Variants in NXPE1 observed in about 807,000 individuals in gnomAD.
The protein encoded by NXPE1 is neurexophilin and PC-esterase domain family member 1.
A neutral mutation model predicts 33.3 loss-of-function variants in NXPE1; 31 were observed. That is an observed-to-expected ratio of 0.93 (90% CI 0.70 to 1.26). The LOEUF is 1.26. Among genes scored for constraint, NXPE1 ranks in the 50% most tolerant of loss-of-function variants. The pLI, the probability that NXPE1 is intolerant of heterozygous loss-of-function variation, is 0.00. For missense variants in NXPE1, 661 were observed against 655.6 expected (o/e 1.01, Z -0.09); for synonymous variants, 229 against 231.4 (o/e 0.99, Z 0.09).
chr11:114,526,585 T>C (rs1404099761), intron 7 of NXPE1: 1 of 152,212 alleles, frequency 6.6e-6, no homozygotes, highest in African/African-American at 2.4e-5. Flanking sequence ...GCATGACACT[T>C]GAGAACCTTC....
At chr11:114,521,317 T>A (rs1947206706), downstream of NXPE1, among the ~76,000 whole-genome samples, 1 of 152,224 alleles carries the variant, frequency 6.6e-6, no homozygotes, top group Non-Finnish European at 1.5e-5. Flanking sequence ...GGATTTTATA[T>A]ATTATGTATT....
At chr11:114,527,444 C>T (rs572890321) in intron 7 of NXPE1, among the ~76,000 whole-genome samples, 25 of 152,244 alleles carry the variant, frequency 1.6e-4, no homozygotes, top group African/African-American at 5.8e-4. Context: ...CAGATGAAAG[C>T]TCCATATAAA....
At chr11:114,550,556 T>G (rs76120919) in intron 5 of NXPE1, among the ~76,000 whole-genome samples, 2 of 152,144 alleles carry the variant, frequency 1.3e-5, no homozygotes, top group Non-Finnish European at 1.5e-5. Flanking sequence ...GTCTTATATC[T>G]TTCAACAGCG....
At chr11:114,534,123 TA>T (rs1445563812) in intron 5 of NXPE1, among the ~76,000 whole-genome samples, 1 of 152,206 alleles carries the variant, frequency 6.6e-6, no homozygotes, top group East Asian at 1.9e-4. Context: ...CATTTGCGGT[TA>T]ACCAATATCC....
chr11:114,522,588 A>C, intron 8 of NXPE1, 85 bp from the exon 9 acceptor site: 5 of 1,190,014 alleles, frequency 4.2e-6, no homozygotes, highest in South Asian at 1.6e-5. Context: ...TAAAATACCC[A>C]CCCTACCTAG....
intron 1 of NXPE1, chr11:114,553,865 T>C: frequency 1.0e-6 from 1 of 959,670 alleles, no homozygotes; most frequent in Middle Eastern, 5.4e-4. Context: ...TAGCTTGAAA[T>C]AGGCCATGAT....
At chr11:114,528,686 C>A (rs887671372) in intron 6 of NXPE1, 3 of 464,428 alleles carry the variant, frequency 6.5e-6, no homozygotes, top group Non-Finnish European at 1.2e-5. Context: ...AGCTCTTACT[C>A]ACACTTTGTT....
chr11:114,530,233 T>A, exon 6 of NXPE1: 1 of 1,614,000 alleles, frequency 6.2e-7, no homozygotes, highest in Non-Finnish European at 8.5e-7. Flanking sequence ...TTCCGGGTGG[T>A]CATGTAGGTC....
At chr11:114,530,746 G>A (rs775337239) in exon 6 of NXPE1, 2 of 1,614,130 alleles carry the variant, frequency 1.2e-6, no homozygotes, top group Non-Finnish European at 1.7e-6. Flanking sequence ...TGGGTGAAAG[G>A]TCTGGGTGGG....
At chr11:114,528,259 C>G (rs984040186) in intron 6 of NXPE1, among the ~76,000 whole-genome samples, 1 of 152,160 alleles carries the variant, frequency 6.6e-6, no homozygotes, top group African/African-American at 2.4e-5. Flanking sequence ...CTGTGAGCCT[C>G]TAATTGGTCA....
chr11:114,539,143 T>A (rs1230719511), intron 5 of NXPE1, among the ~76,000 whole-genome samples: 2 of 152,150 alleles, frequency 1.3e-5, no homozygotes, highest in Non-Finnish European at 2.9e-5. Flanking sequence ...GGGACATGGA[T>A]GAAGCTGGAA....
At chr11:114,538,529 A>T (rs1395007315) in intron 5 of NXPE1, among the ~76,000 whole-genome samples, 5 of 152,240 alleles carry the variant, frequency 3.3e-5, no homozygotes, top group African/African-American at 1.2e-4. Context: ...CAACCTACTC[A>T]TCTGATAAAG....
In NXPE1 at chr11:114,540,982, C is replaced by T. The variant is rs891465276; in HGVS notation, c.100-10074G>A. ...GGCAGAGAAGGTCATGCCGCAATTT[C>T]TGAGTATGAACTTTGCTTAGATCTC... On this transcript the variant is annotated intron_variant, in intron 5 of 8. Transcript: ENST00000534921. Among the ~76,000 whole-genome samples, 6 of 148,828 alleles carry T rather than the reference C, an allele frequency of 4.0e-5. No individual in the cohort carries two copies. The South Asian group carries it at 6.4e-4, about 16-fold the overall frequency.
At chr11:114,522,920 G>A in exon 8 of NXPE1, 1 of 1,613,390 alleles carries the variant, frequency 6.2e-7, no homozygotes, top group Non-Finnish European at 8.5e-7. Flanking sequence ...CTGACGTAGT[G>A]TAGAGTCTCC....
chr11:114,523,444 T>C (rs567225350), intron 7 of NXPE1, among the ~76,000 whole-genome samples: 8 of 152,298 alleles, frequency 5.3e-5, no homozygotes, highest in African/African-American at 1.7e-4. Context: ...GGTCTGCCAG[T>C]TGGTGCCGCT....
chr11:114,522,090 C>A, exon 9 of NXPE1: 1 of 1,614,088 alleles, frequency 6.2e-7, no homozygotes, highest in South Asian at 1.1e-5. Flanking sequence ...ACGTTGAGGT[C>A]TTTGAAAATA....
At chr11:114,545,141 G>T (rs1056618546) in intron 5 of NXPE1, among the ~76,000 whole-genome samples, 2 of 152,132 alleles carry the variant, frequency 1.3e-5, no homozygotes, top group African/African-American at 4.8e-5. Context: ...CAGCTACTTT[G>T]AAAGACACTT....
Position 114,537,048 on chromosome 11 carries a change from C to G in NXPE1, c.100-6140G>C, listed in dbSNP as rs528440963. ...AATCCGCAATAAAATACTGGCAAAC[C>G]GAATCCAGCAACACATCAAAAAGCT... On this transcript the variant is annotated intron_variant, in intron 5 of 8. Coordinates refer to ENST00000534921, the Ensembl canonical transcript of NXPE1. Among the ~76,000 whole-genome samples, 16 of 152,084 alleles carry G rather than the reference C, an allele frequency of 1.1e-4. No individual in the cohort carries two copies. The East Asian group carries it at 2.5e-3, about 24-fold the overall frequency.
rs139291826 is a variant in NXPE1 at position 114,532,779 on chromosome 11, T to A, written c.100-1871A>T. Reference sequence around the variant, plus strand: ...GGTAGATTAGATAAATATATACAGGTGTGTGTGCATTTGTCATGGTTGATT... The same window carrying A: ...GGTAGATTAGATAAATATATACAGGAGTGTGTGCATTTGTCATGGTTGATT... On this transcript the variant is annotated intron_variant, in intron 5 of 8. Coordinates refer to ENST00000534921, the Ensembl canonical transcript of NXPE1. 7.2e-5 allele frequency among the ~76,000 whole-genome samples: 11 copies of A among 152,136 alleles called. No individual in the cohort carries two copies. The East Asian group carries it at 2.1e-3, about 29-fold the overall frequency.
Sources: gnomAD v4.1 joint callset for allele counts (sites outside exome capture counted in the v4.1 genomes callset) on GRCh38, gnomAD v4.1.1 for gene constraint, MANE v1.5 for transcripts, NCBI Gene and HGNC (gene_info 2026-07-23, HGNC 2026-07-21) for gene names.